ELP4: variants seen among roughly 807,000 people sequenced by gnomAD.
ELP4 encodes the protein elongator acetyltransferase complex subunit 4.
A neutral mutation model predicts 48.9 loss-of-function variants in ELP4; 51 were observed. The observed-to-expected ratio is 1.04, with a 90% CI of 0.83 to 1.32. The LOEUF is 1.32. Ranked by LOEUF, ELP4 falls within the 40% of genes most tolerant of loss-of-function variation. The pLI is 0.00. For missense variants in ELP4, 519 were observed against 514.6 expected (o/e 1.01, Z -0.08); for synonymous variants, 210 against 189.2 (o/e 1.11, Z -0.90).
intron 9 of ELP4, chr11:31,706,875 C>A: frequency 2.5e-6 from 1 of 393,642 alleles, no homozygotes; most frequent in East Asian, 3.6e-5. Flanking sequence ...AATATAATGT[C>A]CTCCAGTTCC....
chr11:31,770,169 G>A (rs978660762), intron 9 of ELP4, among the ~76,000 whole-genome samples: 2 of 152,066 alleles, frequency 1.3e-5, no homozygotes, highest in South Asian at 2.1e-4. Flanking sequence ...TATATGCTCC[G>A]GCCTGTATTG....
chr11:31,715,952 G>A (rs538484198), intron 9 of ELP4, among the ~76,000 whole-genome samples: 1 of 152,322 alleles, frequency 6.6e-6, no homozygotes, highest in African/African-American at 2.4e-5. Context: ...CAGAAGAAGA[G>A]CTAACTGTCA....
intron 9 of ELP4, among the ~76,000 whole-genome samples, chr11:31,669,723 A>C (rs1016851888): frequency 2.0e-5 from 3 of 152,154 alleles, no homozygotes; most frequent in African/African-American, 7.2e-5. Flanking sequence ...ATGAGTGGAA[A>C]ACTAATGTTT....
Position 31,786,599 on chromosome 11 carries a change from T to C in ELP4, c.*3075T>C, listed in dbSNP as rs1948648459. The C allele has an allele frequency of 4.4e-6, 1 of 225,626 alleles. No homozygotes were observed. The highest frequency in any genetic ancestry group is 8.8e-6 in the Non-Finnish European group (1 of 113,252). 14.0% of individuals were successfully genotyped at this position (225,626 alleles called of 1,614,324 possible). On this transcript the variant is annotated 3_prime_UTR_variant, in exon 10 of 10. Transcript: ENST00000640961. Reference sequence around the variant, plus strand: ...GTAAAAAGAAATAAGCAAAAGAATATAGACACAATCCTAAGATGACATTCA... The same window carrying C: ...GTAAAAAGAAATAAGCAAAAGAATACAGACACAATCCTAAGATGACATTCA...
At chr11:31,609,987 A>C (rs939632370) in intron 5 of ELP4, among the ~76,000 whole-genome samples, 3 of 152,142 alleles carry the variant, frequency 2.0e-5, no homozygotes. Flanking sequence ...CCAAGACTTG[A>C]GTGAGCTGTA....
At chr11:31,555,085 A>T (rs2133933867) in intron 3 of ELP4, among the ~76,000 whole-genome samples, 1 of 152,280 alleles carries the variant, frequency 6.6e-6, no homozygotes, top group African/African-American at 2.4e-5. Flanking sequence ...TACAAAGTTA[A>T]CATTTCCCTA....
chr11:31,597,097 C>T (rs915031570), intron 4 of ELP4, among the ~76,000 whole-genome samples: 8 of 151,968 alleles, frequency 5.3e-5, no homozygotes, highest in African/African-American at 9.7e-5. Flanking sequence ...GTAACCTTCA[C>T]GATTACAAAA....
At chr11:31,511,203 A>G (rs1368224781) in intron 1 of ELP4, 2 of 152,190 alleles carry the variant, frequency 1.3e-5, no homozygotes, top group Middle Eastern at 3.2e-3. Flanking sequence ...GGTACTGTAA[A>G]TAGAAGTGAT....
At chr11:31,680,624 T>A (rs1433694299) in intron 9 of ELP4, among the ~76,000 whole-genome samples, 1 of 152,190 alleles carries the variant, frequency 6.6e-6, no homozygotes, top group Non-Finnish European at 1.5e-5. Flanking sequence ...ATACATATCA[T>A]TTGAAGTAAC....
chr11:31,776,692 A>G (rs16922469), intron 9 of ELP4, among the ~76,000 whole-genome samples: 3,315 of 152,310 alleles, frequency 0.022, 117 homozygotes, highest in African/African-American at 0.075. Context: ...GCATTTTTCA[A>G]TGGACAGCCA....
At chr11:31,763,894 A>AT (rs540028508) in intron 9 of ELP4, among the ~76,000 whole-genome samples, 2 of 149,478 alleles carry the variant, frequency 1.3e-5, no homozygotes, top group Non-Finnish European at 3.0e-5. Flanking sequence ...GGCTTCATTT[A>AT]TTTTTTTTTT....
intron 9 of ELP4, among the ~76,000 whole-genome samples, chr11:31,682,389 C>T (rs1273815916): frequency 1.3e-5 from 2 of 152,210 alleles, no homozygotes; most frequent in East Asian, 3.9e-4. Context: ...TTCGGTCACA[C>T]TTCCAGGATG....
At chr11:31,657,063 G>T (rs958146080) in intron 9 of ELP4, among the ~76,000 whole-genome samples, 1 of 152,006 alleles carries the variant, frequency 6.6e-6, no homozygotes, top group African/African-American at 2.4e-5. Flanking sequence ...TTCCTAGAAA[G>T]TAAGAAGATA....
chr11:31,789,420 T>G lies in ELP4; in HGVS notation c.*5896T>G. 1 of 388,456 alleles carries G rather than the reference T, an allele frequency of 2.6e-6. No homozygotes were observed. The highest frequency in any genetic ancestry group is 4.1e-5 in the East Asian group (1 of 24,680). The allele number at this position is 388,456 out of a possible 1,614,324, so 24.1% of individuals were successfully genotyped here. ...AACCAACAGATATTTCTGACATAAA[T>G]CTAGTGCATGTTGTTCCAGGTTTAA... On this transcript the variant is annotated 3_prime_UTR_variant, in exon 10 of 10. Coordinates refer to ENST00000640961, the MANE Select transcript of ELP4 (RefSeq NM_019040.5).
At chr11:31,632,455 G>T in intron 7 of ELP4, 50 bp downstream of exon 7, 1 of 1,438,920 alleles carries the variant, frequency 6.9e-7, no homozygotes, top group South Asian at 1.5e-5. Flanking sequence ...AATATAGTAT[G>T]ACATTGTGGT....
intron 7 of ELP4, among the ~76,000 whole-genome samples, chr11:31,636,920 A>G (rs182455913): frequency 6.6e-6 from 1 of 152,118 alleles, no homozygotes; most frequent in East Asian, 1.9e-4. Context: ...ATCTTAAACA[A>G]TTTTCCCTTT....
intron 9 of ELP4, chr11:31,763,616 G>A (rs1947991069): frequency 2.1e-6 from 3 of 1,457,334 alleles, no homozygotes; most frequent in East Asian, 4.7e-5. Context: ...ATTAAGAAGG[G>A]AATGTTAAGG....
chr11:31,620,289 G>C (rs1291283879), intron 5 of ELP4, among the ~76,000 whole-genome samples: 1 of 151,954 alleles, frequency 6.6e-6, no homozygotes, highest in Non-Finnish European at 1.5e-5. Context: ...AGAAGAGCAA[G>C]GAAGTGAGGA....
chr11:31,761,337 C>CAA (rs568455581), intron 9 of ELP4, among the ~76,000 whole-genome samples: 22 of 108,440 alleles, frequency 2.0e-4, no homozygotes, highest in South Asian at 1.2e-3. Context: ...GGCCCTGTCT[C>CAA]AAAAAAAAAA....
Sources: allele counts gnomAD v4.1 joint callset (sites outside exome capture counted in the v4.1 genomes callset), GRCh38; gene constraint gnomAD v4.1.1; transcripts MANE v1.5; gene names NCBI Gene and HGNC (gene_info 2026-07-23, HGNC 2026-07-21).